Variants in AVL9 observed in about 807,000 individuals in gnomAD.
AVL9 encodes the protein late secretory pathway protein AVL9 homolog.
AVL9 carries 49 observed loss-of-function variants against 79.2 expected under a neutral mutation model. The ratio of observed to expected loss-of-function variants is 0.62; its 90% confidence interval spans 0.49 to 0.79. The LOEUF (loss-of-function observed/expected upper bound fraction) is 0.79. Among genes scored for constraint, AVL9 ranks in the 30% least tolerant of loss-of-function variants. The pLI is 0.00. For synonymous variants in AVL9, 299 were observed against 280.6 expected, an observed-to-expected ratio of 1.07 and a Z score of -0.65; for missense variants, 682 against 776.8, an observed-to-expected ratio of 0.88 and a Z score of 1.45.
chr7:32,569,584 T>C (rs1021986827), intron 10 of AVL9, among the ~76,000 whole-genome samples: 4 of 152,260 alleles, frequency 2.6e-5, no homozygotes, highest in African/African-American at 2.4e-5. Context: ...AGTACCTTGC[T>C]GTTCTCCTAA....
In AVL9 at chr7:32,572,693, T is replaced by G. The variant is rs1212853499; in HGVS notation, c.1351-506T>G. On this transcript the variant is annotated intron_variant, in intron 11 of 15. Transcript: ENST00000318709. ...GGTGGGCGCCTGTAGTCCCAGCTAC[T>G]CAGGAGGCTGAGGCAGGAGAATGGC... is the stretch of plus-strand genomic sequence containing the variant. Among the ~76,000 whole-genome samples, 997 of 142,812 alleles carry G rather than the reference T, an allele frequency of 7.0e-3. 64 individuals are homozygous for G. Among genetic ancestry groups the G allele is most frequent in the African/African-American group, 0.027 (929 of 34,370 alleles). 93.7% of individuals were successfully genotyped at this position (142,812 alleles called of 152,430 possible). A position where few individuals can be genotyped will look rare whatever the true frequency, so the allele number is the denominator to read the frequency against.
rs1791814647 is a variant in AVL9, at chr7:32,586,836, A to G, written c.*2929A>G. 6.6e-6 allele frequency: 1 copy of G among 152,102 alleles called. No homozygotes were observed. The highest frequency in any genetic ancestry group is 1.5e-5 in the Non-Finnish European group (1 of 68,062). The allele number at this position is 152,102 out of a possible 1,614,324, so 9.4% of individuals were successfully genotyped here. On this transcript the variant is annotated 3_prime_UTR_variant, in exon 16 of 16. Transcript: ENST00000318709. ...AATTCCTACTAGACATTGTAATGAC[A>G]ATGGTGTAGGTAAGGAAGAGAGAGT...
Position 32,580,938 on chromosome 7 carries a change from A to C in AVL9, c.1831+48A>C, listed in dbSNP as rs765835912. The C allele has an allele frequency of 6.7e-6, 9 of 1,333,528 alleles. No homozygotes were observed. The Admixed American group carries it at 1.4e-4, about 21-fold the overall frequency. 82.6% of individuals were successfully genotyped at this position (1,333,528 alleles called of 1,614,324 possible). ...AACAAATTGGAATCACAACACATCC[A>C]TTTTCTATCTTTAATATGTAATTGA... On this transcript the variant is annotated intron_variant, in intron 15 of 15. Coordinates refer to ENST00000318709, the MANE Select transcript of AVL9 (RefSeq NM_015060.3).
intron 1 of AVL9, chr7:32,538,085 G>A (rs910824945): frequency 8.5e-5 from 13 of 152,156 alleles, no homozygotes; most frequent in African/African-American, 2.7e-4. Context: ...AGTCAACTGC[G>A]TCTTCAGTTT....
intron 6 of AVL9, among the ~76,000 whole-genome samples, chr7:32,552,619 T>C (rs1789882282): frequency 6.6e-6 from 1 of 151,938 alleles, no homozygotes. Context: ...CATGGCTCAC[T>C]GCAGCCTTGA....
At chr7:32,553,505 A>G (rs1243625488) in intron 6 of AVL9, among the ~76,000 whole-genome samples, 1 of 152,196 alleles carries the variant, frequency 6.6e-6, no homozygotes, top group Admixed American at 6.5e-5. Context: ...TGTATTGGAC[A>G]AGACAGGTTT....
chr7:32,496,210 G>A (rs1214663385), intron 1 of AVL9, among the ~76,000 whole-genome samples: 2 of 152,194 alleles, frequency 1.3e-5, no homozygotes, highest in Non-Finnish European at 2.9e-5. Flanking sequence ...TGCTTTCAAG[G>A]TAATAGGCTC....
intron 1 of AVL9, chr7:32,532,058 G>T (rs930800839): frequency 6.6e-6 from 1 of 152,228 alleles, no homozygotes; most frequent in South Asian, 2.1e-4. Context: ...ACGAATTGAA[G>T]GGTGGTAAAT....
intron 12 of AVL9, among the ~76,000 whole-genome samples, chr7:32,573,732 C>T (rs1439319408): frequency 6.6e-6 from 1 of 152,120 alleles, no homozygotes; most frequent in Non-Finnish European, 1.5e-5. Flanking sequence ...ATAACATGAA[C>T]ATATATCATC....
At chr7:32,583,671 G>A (rs928054159) in intron 15 of AVL9, 121 bp from the exon 16 acceptor site, 21 of 618,536 alleles carry the variant, frequency 3.4e-5, no homozygotes, top group East Asian at 6.0e-5. Flanking sequence ...AGAGTAAGAC[G>A]CTGTCTCAAA....
intron 1 of AVL9, among the ~76,000 whole-genome samples, chr7:32,497,360 A>G (rs935435992): frequency 6.6e-6 from 1 of 152,162 alleles, no homozygotes; most frequent in East Asian, 1.9e-4. Flanking sequence ...AAAGTTTTGG[A>G]AAGTGTGTGT....
Position 32,579,714 on chromosome 7 carries a change from T to A in AVL9, c.1689-505T>A, listed in dbSNP as rs978608258. ...AAATAATGATAGTGCTGTTTTTTTTTAAGACCTGCCTTTTGAGTTGCTTTT... is the reference window on the plus strand; with the variant it reads ...AAATAATGATAGTGCTGTTTTTTTTAAAGACCTGCCTTTTGAGTTGCTTTT... On this transcript the variant is annotated intron_variant, in intron 13 of 15. Transcript: ENST00000318709. Among the ~76,000 whole-genome samples the A allele has an allele frequency of 2.1e-5, 3 of 141,436 alleles. No homozygotes were observed. The East Asian group carries it at 6.0e-4, about 28-fold the overall frequency. 92.8% of individuals were successfully genotyped at this position (141,436 alleles called of 152,430 possible). A position where few individuals can be genotyped will look rare whatever the true frequency, so the allele number is the denominator to read the frequency against.
chr7:32,579,541 TATTA>T lies in AVL9; in HGVS notation c.1689-677_1689-674del, dbSNP rs1791361768. Among the ~76,000 whole-genome samples, 19 of 5,834 alleles carry T rather than the reference TATTA, an allele frequency of 3.3e-3. 2 individuals carry two copies. The highest frequency in any genetic ancestry group is 0.014 in the African/African-American group (18 of 1,256). 3.8% of individuals were successfully genotyped at this position (5,834 alleles called of 152,430 possible). A position where few individuals can be genotyped will look rare whatever the true frequency, so the allele number is the denominator to read the frequency against. On this transcript the variant is annotated intron_variant, in intron 13 of 15. Transcript: ENST00000318709. ...ATTATATATTATATATTATATTATA[TATTA>T]TATATTATATATTATATTATATATT...
chr7:32,504,123 G>A (rs1291511908), intron 1 of AVL9, among the ~76,000 whole-genome samples: 1 of 152,140 alleles, frequency 6.6e-6, no homozygotes, highest in South Asian at 2.1e-4. Flanking sequence ...TTTCAATATT[G>A]AAATGAAGAA....
intron 1 of AVL9, among the ~76,000 whole-genome samples, chr7:32,518,740 A>T (rs1253900229): frequency 6.6e-6 from 1 of 152,184 alleles, no homozygotes; most frequent in Non-Finnish European, 1.5e-5. Context: ...GTCGTGAATG[A>T]TCTAGGTCAT....
intron 1 of AVL9, among the ~76,000 whole-genome samples, chr7:32,530,477 G>A (rs1167213704): frequency 1.3e-5 from 2 of 152,162 alleles, no homozygotes; most frequent in Non-Finnish European, 2.9e-5. Flanking sequence ...TTCAATAAAT[G>A]CCAAATCCTT....
rs183694437 is a variant in AVL9, at chr7:32,519,092, C to T, written c.93+23290C>T. Reference sequence around the variant, plus strand: ...TATGTGCCATGTGGAAGTGGTATTTCGCTGTTAAACTCTATGAAAGAGTTC... The same window carrying T: ...TATGTGCCATGTGGAAGTGGTATTTTGCTGTTAAACTCTATGAAAGAGTTC... On this transcript the variant is annotated intron_variant, in intron 1 of 15. Transcript: ENST00000318709. Among the ~76,000 whole-genome samples, 20 of 152,130 alleles carry T rather than the reference C, an allele frequency of 1.3e-4. No homozygotes were observed. The East Asian group carries it at 2.9e-3, about 22-fold the overall frequency.
intron 10 of AVL9, among the ~76,000 whole-genome samples, chr7:32,565,534 G>C: frequency 6.8e-6 from 1 of 147,334 alleles, no homozygotes; most frequent in Non-Finnish European, 1.5e-5. Context: ...ACTCCAGCCA[G>C]GGCAACAAGA....
intron 10 of AVL9, among the ~76,000 whole-genome samples, chr7:32,563,008 A>G (rs1454117757): frequency 2.0e-5 from 3 of 152,188 alleles, no homozygotes; most frequent in Non-Finnish European, 4.4e-5. Context: ...ACGTGTGCAC[A>G]TCCTTCCATA....
Sources: allele counts gnomAD v4.1 joint callset (sites outside exome capture counted in the v4.1 genomes callset), GRCh38; gene constraint gnomAD v4.1.1; transcripts MANE v1.5; gene names NCBI Gene and HGNC (gene_info 2026-07-23, HGNC 2026-07-21).